Variants in MDGA2 observed in about 807,000 individuals in gnomAD.
MDGA2 encodes MAM domain-containing glycosylphosphatidylinositol anchor protein 2.
Under a neutral mutation model 117.8 loss-of-function variants are expected in MDGA2, and 40 were observed. The observed-to-expected ratio is 0.34, with a 90% CI of 0.26 to 0.44. MDGA2 has a LOEUF of 0.44. MDGA2 is among the 20% of genes least tolerant of loss of function. The pLI is 1.00. For missense variants in MDGA2, 1,123 were observed against 1,250.6 expected (o/e 0.90, Z 1.54); for synonymous variants, 452 against 439.0 (o/e 1.03, Z -0.37).
chr14:47,638,032 C>T (rs949823258), intron 1 of MDGA2, among the ~76,000 whole-genome samples: 5 of 152,136 alleles, frequency 3.3e-5, no homozygotes, highest in Non-Finnish European at 7.3e-5. Flanking sequence ...GTCTTCAAAG[C>T]TACAACAGAA....
chr14:47,261,948 C>T (rs908307989), intron 2 of MDGA2, among the ~76,000 whole-genome samples: 1 of 152,094 alleles, frequency 6.6e-6, no homozygotes, highest in African/African-American at 2.4e-5. Context: ...GAAAGCAACA[C>T]TCATTAAGTC....
At chr14:47,020,969 G>T (rs533703619) in intron 8 of MDGA2, among the ~76,000 whole-genome samples, 63 of 152,026 alleles carry the variant, frequency 4.1e-4, no homozygotes, top group Non-Finnish European at 8.2e-4. Flanking sequence ...ACAAAAAATG[G>T]CTTTTGAGAG....
intron 2 of MDGA2, among the ~76,000 whole-genome samples, chr14:47,286,814 T>TATATAC (rs1309875447): frequency 2.3e-4 from 26 of 111,706 alleles, no homozygotes; most frequent in Admixed American, 1.3e-3. Context: ...TATATATATA[T>TATATAC]ATATATATAT....
At position 47,308,973 on chromosome 14, in the gene MDGA2, A is replaced by C. The variant is rs181823059; in HGVS notation, c.281-7423T>G. On this transcript the variant is annotated intron_variant, in intron 1 of 16. Coordinates refer to ENST00000399232, the MANE Select transcript of MDGA2 (RefSeq NM_001113498.3). Reference sequence around the variant, plus strand: ...TTTACTTCTATGCAAAGATCTTTGAAATTACATACTTGTCCTATACTATAA... The same window carrying C: ...TTTACTTCTATGCAAAGATCTTTGACATTACATACTTGTCCTATACTATAA... Among the ~76,000 whole-genome samples the C allele has an allele frequency of 1.5e-3, 222 of 152,256 alleles. 2 individuals carry two copies. In the South Asian group the frequency reaches 0.021, roughly 14 times the overall value.
intron 1 of MDGA2, among the ~76,000 whole-genome samples, chr14:47,480,483 C>A (rs1893929505): frequency 6.6e-6 from 1 of 151,826 alleles, no homozygotes; most frequent in Non-Finnish European, 1.5e-5. Context: ...TATGACTTGG[C>A]AAAAATAATT....
intron 11 of MDGA2, among the ~76,000 whole-genome samples, chr14:46,879,009 T>G (rs148148814): frequency 2.4e-4 from 37 of 152,226 alleles, no homozygotes; most frequent in African/African-American, 8.4e-4. Context: ...TTTTTCTTCT[T>G]TCATTTGAAC....
intron 5 of MDGA2, among the ~76,000 whole-genome samples, chr14:47,104,962 A>G (rs1447759371): frequency 2.0e-5 from 3 of 151,888 alleles, no homozygotes; most frequent in African/African-American, 7.3e-5. Flanking sequence ...TCTGGTGGAG[A>G]CAAAAGAGAC....
chr14:46,966,044 CTATT>C (rs200434819), intron 8 of MDGA2, among the ~76,000 whole-genome samples: 5,617 of 151,666 alleles, frequency 0.037, 177 homozygotes, highest in South Asian at 0.11. Context: ...GTTAAAAAGT[CTATT>C]TATGAAACTA....
At chr14:47,488,190 G>A (rs1266959532) in intron 1 of MDGA2, among the ~76,000 whole-genome samples, 1 of 152,058 alleles carries the variant, frequency 6.6e-6, no homozygotes, top group Non-Finnish European at 1.5e-5. Flanking sequence ...TGTATGAGTC[G>A]ACATATGAGA....
chr14:47,163,438 A>G (rs576662176), intron 3 of MDGA2, among the ~76,000 whole-genome samples: 2 of 152,200 alleles, frequency 1.3e-5, no homozygotes, highest in South Asian at 4.1e-4. Flanking sequence ...GGTCTTTACC[A>G]TGCTGTTCTG....
intron 1 of MDGA2, among the ~76,000 whole-genome samples, chr14:47,541,355 A>G (rs1594907980): frequency 6.6e-6 from 1 of 152,202 alleles, no homozygotes; most frequent in Non-Finnish European, 1.5e-5. Context: ...GACAAACGAA[A>G]TATGTCCAGA....
chr14:47,019,572 G>A (rs1003176669), intron 8 of MDGA2, among the ~76,000 whole-genome samples: 1 of 152,024 alleles, frequency 6.6e-6, no homozygotes, highest in Non-Finnish European at 1.5e-5. Context: ...GGCCGGGCGC[G>A]GTAGCTCACG....
At chr14:46,907,575 T>C (rs1452217115) in intron 10 of MDGA2, among the ~76,000 whole-genome samples, 1 of 152,154 alleles carries the variant, frequency 6.6e-6, no homozygotes, top group Non-Finnish European at 1.5e-5. Flanking sequence ...GATTTCCATA[T>C]GTATAATTTG....
chr14:46,997,174 T>A (rs560605931), intron 8 of MDGA2: 1 of 166,564 alleles, frequency 6.0e-6, no homozygotes, highest in East Asian at 1.8e-4. Flanking sequence ...TTAAAATCTA[T>A]AGACACAAAT....
intron 6 of MDGA2, among the ~76,000 whole-genome samples, chr14:47,091,020 T>C (rs1879620712): frequency 6.6e-6 from 1 of 152,188 alleles, no homozygotes. Flanking sequence ...ATTATTGTTA[T>C]AAGCTACTCT....
At chr14:47,399,587 G>A (rs1195509317) in intron 1 of MDGA2, among the ~76,000 whole-genome samples, 1 of 152,120 alleles carries the variant, frequency 6.6e-6, no homozygotes, top group Non-Finnish European at 1.5e-5. Context: ...ATGGCATCGT[G>A]GCTAAATTCT....
At chr14:47,241,588 G>GT (rs1240834944) in intron 2 of MDGA2, among the ~76,000 whole-genome samples, 1 of 151,806 alleles carries the variant, frequency 6.6e-6, no homozygotes, top group Non-Finnish European at 1.5e-5. Flanking sequence ...TGAACCAAAA[G>GT]TTTAAGTCGC....
At chr14:47,253,346 T>C (rs895487897) in intron 2 of MDGA2, among the ~76,000 whole-genome samples, 1 of 152,154 alleles carries the variant, frequency 6.6e-6, no homozygotes, top group African/African-American at 2.4e-5. Context: ...TAAAATCAAA[T>C]GCAAGTTAAT....
intron 3 of MDGA2, among the ~76,000 whole-genome samples, chr14:47,217,163 G>A (rs1197596610): frequency 6.6e-6 from 1 of 152,034 alleles, no homozygotes; most frequent in Non-Finnish European, 1.5e-5. Context: ...TGAAAGAAAA[G>A]AAAGGGGAAA....
Sources: allele counts gnomAD v4.1 joint callset (sites outside exome capture counted in the v4.1 genomes callset), GRCh38; gene constraint gnomAD v4.1.1; transcripts MANE v1.5; gene names NCBI Gene and HGNC (gene_info 2026-07-23, HGNC 2026-07-21).